GLIS3: variants seen among roughly 807,000 people sequenced by gnomAD.
The protein encoded by GLIS3 is GLIS family zinc finger 3.
GLIS3 carries 53 observed loss-of-function variants against 78.6 expected under a neutral mutation model. That is an observed-to-expected ratio of 0.67 (90% CI 0.54 to 0.85). GLIS3 has a LOEUF of 0.85. Among genes scored for constraint, GLIS3 ranks in the 40% least tolerant of loss-of-function variants. The pLI is 0.00. For synonymous variants in GLIS3, 684 were observed against 509.9 expected, an observed-to-expected ratio of 1.34 and a Z score of -4.60; for missense variants, 1,703 against 1,231.1, an observed-to-expected ratio of 1.38 and a Z score of -5.74.
At chr9:4,347,018 A>T (rs7019509) in intron 2 of GLIS3, 1 of 151,692 alleles carries the variant, frequency 6.6e-6, no homozygotes, top group Non-Finnish European at 1.5e-5. Context: ...TCCATTTTGT[A>T]TTGCTATAAA....
intron 2 of GLIS3, among the ~76,000 whole-genome samples, chr9:4,268,868 T>G (rs927016671): frequency 6.6e-6 from 1 of 152,126 alleles, no homozygotes; most frequent in Non-Finnish European, 1.5e-5. Flanking sequence ...ACCCCTTCCT[T>G]TCGATCCTCC....
upstream of GLIS3, among the ~76,000 whole-genome samples, chr9:4,304,784 A>G (rs751626990): frequency 6.6e-6 from 1 of 152,216 alleles, no homozygotes; most frequent in Non-Finnish European, 1.5e-5. Flanking sequence ...AGTCTTAAAT[A>G]TACCTGCAAA....
At chr9:3,922,724 G>T (rs1214238090) in intron 6 of GLIS3, among the ~76,000 whole-genome samples, 1 of 151,998 alleles carries the variant, frequency 6.6e-6, no homozygotes, top group East Asian at 1.9e-4. Context: ...TTGTAAAGGT[G>T]ATTATAAAAG....
the GLIS3 span, among the ~76,000 whole-genome samples, chr9:4,411,444 T>C: frequency 6.6e-6 from 1 of 152,226 alleles, no homozygotes; most frequent in Non-Finnish European, 1.5e-5. Context: ...TGTACATATT[T>C]TTTAGTTATC....
chr9:3,910,129 C>T (rs1385569892), intron 6 of GLIS3, among the ~76,000 whole-genome samples: 1 of 152,106 alleles, frequency 6.6e-6, no homozygotes, highest in Non-Finnish European at 1.5e-5. Flanking sequence ...CTATAATCTG[C>T]CAACTACAGA....
chr9:4,188,062 C>G (rs894246903), intron 2 of GLIS3, among the ~76,000 whole-genome samples: 47 of 152,080 alleles, frequency 3.1e-4, no homozygotes, highest in Middle Eastern at 6.8e-3. Context: ...AGAGGGCATC[C>G]CTGTCTTGTG....
At chr9:4,086,591 ATG>A (rs1829039348) in intron 4 of GLIS3, among the ~76,000 whole-genome samples, 1 of 152,220 alleles carries the variant, frequency 6.6e-6, no homozygotes, top group Non-Finnish European at 1.5e-5. Flanking sequence ...TGTGAAAAGC[ATG>A]TGTCTCCAGA....
intron 2 of GLIS3, among the ~76,000 whole-genome samples, chr9:4,341,586 A>G (rs1171212508): frequency 6.6e-6 from 1 of 151,808 alleles, no homozygotes; most frequent in East Asian, 1.9e-4. Flanking sequence ...CCTCACCTAT[A>G]CTCACTTCCA....
chr9:4,180,999 T>C (rs565971883), intron 2 of GLIS3, among the ~76,000 whole-genome samples: 45 of 152,284 alleles, frequency 3.0e-4, no homozygotes, highest in African/African-American at 1.1e-3. Flanking sequence ...ACAAATGCCC[T>C]TGGATGTTGA....
chr9:4,285,870 C>A, intron 2 of GLIS3, 168 bp downstream of exon 2: 4 of 782,774 alleles, frequency 5.1e-6, no homozygotes, highest in East Asian at 2.6e-5. Flanking sequence ...CCCTCCAACA[C>A]ATACACACCC....
chr9:3,845,796 A>G (rs1819001595), intron 9 of GLIS3, among the ~76,000 whole-genome samples: 1 of 152,194 alleles, frequency 6.6e-6, no homozygotes, highest in Admixed American at 6.5e-5. Flanking sequence ...GCCGTTAGAT[A>G]GAGAGCTCTC....
At chr9:3,996,076 C>A (rs1163939749) in intron 4 of GLIS3, among the ~76,000 whole-genome samples, 2 of 151,976 alleles carry the variant, frequency 1.3e-5, no homozygotes, top group Non-Finnish European at 2.9e-5. Context: ...AAAATAATGA[C>A]AATTACACTC....
chr9:3,977,984 G>A lies in GLIS3; in HGVS notation c.1711-40795C>T, dbSNP rs1170769533. On this transcript the variant is annotated intron_variant, in intron 4 of 10. Transcript: ENST00000381971. The surrounding 1 kb of genome is among the most constrained non-coding windows in gnomAD (Gnocchi z 4.1). ...GTTGACACCGCTGGGTGCACCCTCC[G>A]CTGCTCCAAACCTGAGAGACAAATG... Among the ~76,000 whole-genome samples, 8 of 152,316 alleles carry A rather than the reference G, an allele frequency of 5.3e-5. No homozygotes were observed. The highest frequency in any genetic ancestry group is 1.7e-4 in the African/African-American group (7 of 41,568).
intron 9 of GLIS3, among the ~76,000 whole-genome samples, chr9:3,836,445 T>G (rs12346050): frequency 0.14 from 21,945 of 152,232 alleles, 2,226 homozygotes; most frequent in African/African-American, 0.28. Context: ...GCATAAGTGA[T>G]GAATGGGTGG....
chr9:4,305,153 CAT>C (rs1817197075), intron 4 of GLIS3: 1 of 152,220 alleles, frequency 6.6e-6, no homozygotes, highest in Non-Finnish European at 1.5e-5. Context: ...TCACCCAACT[CAT>C]GTGGGACTAG....
At chr9:4,439,770 C>T in the GLIS3 span, among the ~76,000 whole-genome samples, 1 of 152,078 alleles carries the variant, frequency 6.6e-6, no homozygotes, top group East Asian at 1.9e-4. Flanking sequence ...TGGGAACCTT[C>T]CCAACTCAGG....
chr9:4,027,523 A>C (rs1168056056), intron 4 of GLIS3, among the ~76,000 whole-genome samples: 1 of 152,042 alleles, frequency 6.6e-6, no homozygotes, highest in African/African-American at 2.4e-5. Context: ...TTTTCTCCCA[A>C]TTCTATTGTT....
At chr9:4,208,313 T>A (rs1375657016) in intron 2 of GLIS3, among the ~76,000 whole-genome samples, 1 of 152,196 alleles carries the variant, frequency 6.6e-6, no homozygotes, top group Non-Finnish European at 1.5e-5. Flanking sequence ...GACTCCTGTT[T>A]TAAATCTCGA....
At position 4,053,217 on chromosome 9, in the gene GLIS3, A is replaced by G. The variant is rs115952143; in HGVS notation, c.1710+64551T>C. Reference sequence around the variant, plus strand: ...ACTTGCCTTGGCCTCCCAAAGGGCTATGATTACAGGCGTGAGCCACAGCGC... The same window carrying G: ...ACTTGCCTTGGCCTCCCAAAGGGCTGTGATTACAGGCGTGAGCCACAGCGC... On this transcript the variant is annotated intron_variant, in intron 4 of 10. Transcript: ENST00000381971. 2.6e-3 allele frequency among the ~76,000 whole-genome samples: 394 copies of G among 152,254 alleles called. 2 individuals are homozygous for G. Among genetic ancestry groups the G allele is most frequent in the African/African-American group, 9.2e-3 (381 of 41,546 alleles).
Sources: allele counts gnomAD v4.1 joint callset (sites outside exome capture counted in the v4.1 genomes callset), GRCh38; gene constraint gnomAD v4.1.1; non-coding constraint Gnocchi (gnomAD v3.1); transcripts MANE v1.5; gene names NCBI Gene and HGNC (gene_info 2026-07-23, HGNC 2026-07-21).